The following GPAT4 variants were observed in gnomAD, a reference collection of about 807,000 sequenced individuals.
GPAT4 encodes the protein glycerol-3-phosphate acyltransferase 4.
In GPAT4, 17 loss-of-function variants were observed where a neutral mutation model predicts 58.0. The observed-to-expected ratio is 0.29, with a 90% CI of 0.20 to 0.44. The LOEUF (loss-of-function observed/expected upper bound fraction) is 0.44, where lower values mean the gene tolerates loss of function less well. GPAT4 is among the 20% of genes least tolerant of loss of function. The pLI is 1.00. For synonymous variants in GPAT4, 204 were observed against 210.1 expected, an observed-to-expected ratio of 0.97 and a Z score of 0.25; for missense variants, 377 against 574.5, an observed-to-expected ratio of 0.66 and a Z score of 3.51.
rs3055559 is a variant in GPAT4, at chr8:41,623,785, T to TCAGA, written c.*2788_*2791dup. 0.56 allele frequency: 84,665 copies of TCAGA among 151,548 alleles called. 24,321 individuals carry two copies. Among genetic ancestry groups the TCAGA allele is most frequent in the Middle Eastern group, 0.71 (210 of 294 alleles). The allele number at this position is 151,548 out of a possible 1,614,324, so 9.4% of individuals were successfully genotyped here. On this transcript the variant is annotated 3_prime_UTR_variant, in exon 13 of 13. Transcript: ENST00000396987. Reference sequence around the variant, plus strand: ...CTGGGCAGTATCTTCATTGTGGTTCTCAGACAGCCTTTTTTACTCAAACAT... The same window carrying TCAGA: ...CTGGGCAGTATCTTCATTGTGGTTCTCAGACAGACAGCCTTTTTTACTCAAACAT...
At chr8:41,601,691 G>A (rs190223124) in intron 2 of GPAT4, among the ~76,000 whole-genome samples, 19 of 152,278 alleles carry the variant, frequency 1.2e-4, no homozygotes, top group African/African-American at 4.6e-4. Flanking sequence ...CTTTGGGTAG[G>A]GCAGAAGGCC....
At chr8:41,581,203 G>C (rs1802500020) in intron 1 of GPAT4, among the ~76,000 whole-genome samples, 1 of 152,158 alleles carries the variant, frequency 6.6e-6, no homozygotes, top group Non-Finnish European at 1.5e-5. Context: ...TAGAATTTTA[G>C]AGTTAGAAGG....
chr8:41,599,175 C>G lies in GPAT4; in HGVS notation c.36C>G (p.Val12=). The G allele has an allele frequency of 6.2e-7, 1 of 1,613,096 alleles. No homozygotes were observed. The highest frequency in any genetic ancestry group is 8.5e-7 in the Non-Finnish European group (1 of 1,179,724). ...TGCTGCCTTTTGATAGCCTGATTGT[C>G]AACCTTCTGGGCATCTCCCTGACTG... ...FLLLPFDSLI[V]NLLGISLTVL... Residue 12 remains valine (V), a synonymous_variant, in exon 2 of 13, where the codon GTC becomes GTG. Coordinates refer to ENST00000396987, the MANE Select transcript of GPAT4 (RefSeq NM_178819.4).
In GPAT4 at chr8:41,622,328, T is replaced by C. The variant is rs973801130; in HGVS notation, c.*1327T>C. On this transcript the variant is annotated 3_prime_UTR_variant, in exon 13 of 13. Transcript: ENST00000396987. ...GCAGAGGGGCAGGGTGGGCAGGGCA[T>C]GTGCTGCATGGCAGCTTCTGCACAG... 6 of 153,496 alleles carry C rather than the reference T, an allele frequency of 3.9e-5. No individual in the cohort carries two copies. The highest frequency in any genetic ancestry group is 5.8e-5 in the Non-Finnish European group (4 of 68,826). 9.5% of individuals were successfully genotyped at this position (153,496 alleles called of 1,614,324 possible).
rs1803864237 is a variant in GPAT4 at position 41,624,747 on chromosome 8, ATCATT to A, written c.*3753_*3757del. The A allele has an allele frequency of 6.6e-6, 1 of 152,164 alleles. No homozygotes were observed. Among genetic ancestry groups the A allele is most frequent in the Admixed American group, 6.5e-5 (1 of 15,282 alleles). The allele number at this position is 152,164 out of a possible 1,614,324, so 9.4% of individuals were successfully genotyped here. A position where few individuals can be genotyped will look rare whatever the true frequency, so the allele number is the denominator to read the frequency against. The stretch of plus-strand genomic sequence containing the variant: ...ATTTTGCTCTAGATTAAAAGTATTG[ATCATT>A]TCATTTGTAAACGATAAATAAAAAG... On this transcript the variant is annotated 3_prime_UTR_variant, in exon 13 of 13. Transcript: ENST00000396987.
chr8:41,581,946 T>TA (rs536635092), intron 1 of GPAT4, among the ~76,000 whole-genome samples: 1,738 of 126,434 alleles, frequency 0.014, 40 homozygotes, highest in African/African-American at 0.04. Flanking sequence ...TTGTTTGAAT[T>TA]AAAAAAAAAA....
At chr8:41,614,844 T>C (rs1350037298) in intron 9 of GPAT4, 119 bp from the exon 10 acceptor site, 1 of 780,848 alleles carries the variant, frequency 1.3e-6, no homozygotes, top group Admixed American at 2.6e-5. Flanking sequence ...ATGACAGATG[T>C]ATCTTACTGG....
intron 1 of GPAT4, among the ~76,000 whole-genome samples, chr8:41,595,665 A>C (rs917877926): frequency 6.6e-6 from 1 of 152,054 alleles, no homozygotes; most frequent in Non-Finnish European, 1.5e-5. Context: ...AATAGGGTAC[A>C]CTTTTTTTCT....
chr8:41,615,243 C>T (rs182458558), intron 10 of GPAT4, among the ~76,000 whole-genome samples, 195 bp downstream of exon 10: 86 of 152,228 alleles, frequency 5.6e-4, no homozygotes, highest in Admixed American at 1.1e-3. Context: ...CTTAGAAGGG[C>T]CTGGGGAGTG....
At chr8:41,607,831 C>A (rs1025545431) in intron 2 of GPAT4, among the ~76,000 whole-genome samples, 1 of 152,084 alleles carries the variant, frequency 6.6e-6, no homozygotes, top group East Asian at 1.9e-4. Flanking sequence ...GCGTCTGGCC[C>A]CAAGTTTTTC....
intron 1 of GPAT4, among the ~76,000 whole-genome samples, chr8:41,590,949 C>T (rs1025664821): frequency 1.3e-5 from 2 of 152,100 alleles, no homozygotes; most frequent in Admixed American, 6.5e-5. Context: ...TATAGCAGGA[C>T]GAGCCATAGT....
At chr8:41,613,092 C>T (rs2150503674) in intron 8 of GPAT4, 132 bp downstream of exon 8, 1 of 738,122 alleles carries the variant, frequency 1.4e-6, no homozygotes, top group South Asian at 2.4e-5. Context: ...TAATTTTTTC[C>T]TAAAACATGA....
intron 1 of GPAT4, among the ~76,000 whole-genome samples, chr8:41,582,833 T>C (rs1321163366): frequency 6.6e-6 from 1 of 152,182 alleles, no homozygotes; most frequent in African/African-American, 2.4e-5. Context: ...TGTGTAATGA[T>C]AAAATCAGAG....
rs1227617117 is a variant in GPAT4 at position 41,580,358 on chromosome 8, TGA to T, written c.-849+2085_-849+2086del. On this transcript the variant is annotated intron_variant, in intron 1 of 12. Coordinates refer to ENST00000396987, the MANE Select transcript of GPAT4 (RefSeq NM_178819.4). ...CTTAAGAGTGTTACTCTTCTTTTTC[TGA>T]GAGAACAATAGCATCATCTCAGAAA... Among the ~76,000 whole-genome samples the T allele has an allele frequency of 2.0e-5, 3 of 152,242 alleles. No homozygotes were observed. The East Asian group carries it at 5.8e-4, about 29-fold the overall frequency.
Position 41,598,308 on chromosome 8 carries a change from G to T in GPAT4, c.-832G>T, listed in dbSNP as rs1483047801. The stretch of plus-strand genomic sequence containing the variant: ...CTCCCCCAGCTTTGGCAGCATGTAA[G>T]CAGCTGTTTGCCAAGAACCCAGGTC... On this transcript the variant is annotated 5_prime_UTR_variant, in exon 2 of 13. Coordinates refer to ENST00000396987, the MANE Select transcript of GPAT4 (RefSeq NM_178819.4). 6.6e-6 allele frequency: 1 copy of T among 152,274 alleles called. No individual in the cohort carries two copies. Among genetic ancestry groups the T allele is most frequent in the African/African-American group, 2.4e-5 (1 of 41,468 alleles). The allele number at this position is 152,274 out of a possible 1,614,324, so 9.4% of individuals were successfully genotyped here. A position where few individuals can be genotyped will look rare whatever the true frequency, so the allele number is the denominator to read the frequency against.
intron 1 of GPAT4, among the ~76,000 whole-genome samples, chr8:41,594,638 C>T (rs1297650795): frequency 1.3e-5 from 2 of 151,494 alleles, no homozygotes; most frequent in South Asian, 2.1e-4. Flanking sequence ...CTCCGCCTCC[C>T]GGGTTCACGC....
In GPAT4 at chr8:41,612,247, T is replaced by A; in HGVS notation, c.769T>A (p.Leu257Met). 1 of 1,614,272 alleles carries A rather than the reference T, an allele frequency of 6.2e-7. No individual in the cohort carries two copies. The highest frequency in any genetic ancestry group is 8.5e-7 in the Non-Finnish European group (1 of 1,180,046). ...NHTSPIDVIILASDGYYAMVG... is the reference protein window; with the variant it reads ...NHTSPIDVIIMASDGYYAMVG... ...TACCTCACCGATCGATGTGATCATC[T>A]TGGCCAGCGATGGCTATTATGCCAT... is the stretch of plus-strand genomic sequence containing the variant. The change falls in exon 7 of 13, where the codon TTG becomes ATG. Residue 257 changes from leucine to methionine, a missense_variant. Physicochemically the swap from Leu to Met is conservative, Grantham distance 15. Transcript: ENST00000396987.
At chr8:41,584,062 A>G (rs1402553145) in intron 1 of GPAT4, among the ~76,000 whole-genome samples, 1 of 152,014 alleles carries the variant, frequency 6.6e-6, no homozygotes, top group East Asian at 1.9e-4. Context: ...ACGCCCAGCT[A>G]ATTTGTGTAT....
chr8:41,609,606 A>G (rs199735719), intron 3 of GPAT4, 49 bp from the exon 4 acceptor site: 4 of 1,605,170 alleles, frequency 2.5e-6, no homozygotes, highest in East Asian at 4.5e-5. Flanking sequence ...AGTATGTCTC[A>G]CGTGCTCTCC....
Sources: gnomAD v4.1 joint callset for allele counts (sites outside exome capture counted in the v4.1 genomes callset) on GRCh38, gnomAD v4.1.1 for gene constraint, MANE v1.5 for transcripts, NCBI Gene and HGNC (gene_info 2026-07-23, HGNC 2026-07-21) for gene names.